The following SMIM35 variants were observed in gnomAD, a reference collection of about 807,000 sequenced individuals.
SMIM35 encodes the protein small integral membrane protein 35.
At chr11:118,081,422 G>A (rs183842662) in intron 1 of SMIM35, among the ~76,000 whole-genome samples, 5 of 152,280 alleles carry the variant, frequency 3.3e-5, no homozygotes, top group South Asian at 4.1e-4. Context: ...CCAGCACGTC[G>A]GCAGCTGAGA....
intron 1 of SMIM35, among the ~76,000 whole-genome samples, chr11:118,050,771 GA>G (rs544999494): frequency 1.6e-3 from 247 of 152,268 alleles, no homozygotes; most frequent in Non-Finnish European, 3.2e-3. Flanking sequence ...AGATCTGCCC[GA>G]AGCATTGAAA....
chr11:118,069,036 A>G (rs549965697), intron 1 of SMIM35, among the ~76,000 whole-genome samples: 15 of 152,274 alleles, frequency 9.9e-5, no homozygotes, highest in African/African-American at 3.6e-4. Context: ...TCATCACCCT[A>G]ATGGAAAACT....
At chr11:118,031,295 C>T (rs1206535231) in intron 1 of SMIM35, among the ~76,000 whole-genome samples, 1 of 152,188 alleles carries the variant, frequency 6.6e-6, no homozygotes, top group Non-Finnish European at 1.5e-5. Flanking sequence ...TATCAACAGA[C>T]ACATCTACCA....
At chr11:118,042,696 G>T (rs939277725) in intron 1 of SMIM35, among the ~76,000 whole-genome samples, 1 of 152,138 alleles carries the variant, frequency 6.6e-6, no homozygotes, top group African/African-American at 2.4e-5. Context: ...GAATATGGAC[G>T]CAAAAATCCT....
At chr11:118,051,773 G>A (rs1591299616) in intron 1 of SMIM35, among the ~76,000 whole-genome samples, 1 of 152,276 alleles carries the variant, frequency 6.6e-6, no homozygotes, top group East Asian at 1.9e-4. Context: ...CACCTCTACA[G>A]TGACACATTT....
intron 1 of SMIM35, among the ~76,000 whole-genome samples, chr11:118,037,762 G>A (rs936064181): frequency 2.0e-5 from 3 of 152,112 alleles, no homozygotes; most frequent in African/African-American, 4.8e-5. Context: ...TTGTAATACC[G>A]CCAATGCCAG....
intron 1 of SMIM35, among the ~76,000 whole-genome samples, chr11:118,064,169 AC>A (rs1464544694): frequency 6.6e-6 from 1 of 151,994 alleles, no homozygotes; most frequent in East Asian, 1.9e-4. Flanking sequence ...TGTGGGGAGA[AC>A]CCCCAGGCAT....
chr11:118,052,473 C>T (rs925342545), intron 1 of SMIM35, among the ~76,000 whole-genome samples: 2 of 152,166 alleles, frequency 1.3e-5, no homozygotes, highest in Non-Finnish European at 2.9e-5. Context: ...CTCACTTGTA[C>T]GGACCCTTCC....
At chr11:118,066,161 A>C (rs991925571) in intron 1 of SMIM35, among the ~76,000 whole-genome samples, 5 of 150,606 alleles carry the variant, frequency 3.3e-5, no homozygotes, top group African/African-American at 4.9e-5. Context: ...CCCCAAACCC[A>C]CCTCTGTTTG....
At chr11:118,054,173 T>TG (rs1311901042) in intron 1 of SMIM35, among the ~76,000 whole-genome samples, 2 of 151,648 alleles carry the variant, frequency 1.3e-5, no homozygotes, top group Admixed American at 6.6e-5. Flanking sequence ...TGTTTTGTTT[T>TG]TTTGTTTGTT....
chr11:118,065,013 G>T (rs1318151904), intron 1 of SMIM35, among the ~76,000 whole-genome samples: 1 of 152,188 alleles, frequency 6.6e-6, no homozygotes, highest in Non-Finnish European at 1.5e-5. Context: ...AGCACACCCT[G>T]CCCTGGAGTG....
chr11:118,048,621 GGAGA>G (rs373866285), intron 1 of SMIM35, among the ~76,000 whole-genome samples: 5 of 150,052 alleles, frequency 3.3e-5, no homozygotes, highest in Middle Eastern at 3.2e-3. Flanking sequence ...AAGCAAGGAA[GGAGA>G]GAGAGAGAGA....
chr11:118,009,062 C>T (rs2058137633), intron 4 of SMIM35, among the ~76,000 whole-genome samples: 1 of 152,098 alleles, frequency 6.6e-6, no homozygotes, highest in African/African-American at 2.4e-5. Context: ...TTTGAGCTGG[C>T]ATGAAGAATG....
intron 4 of SMIM35, among the ~76,000 whole-genome samples, chr11:118,006,826 A>G (rs570427291): frequency 6.0e-4 from 91 of 152,042 alleles, no homozygotes; most frequent in African/African-American, 2.1e-3. Context: ...TGCAATTTTC[A>G]CCCTACAACT....
chr11:118,014,039 A>G (rs2058163710), intron 3 of SMIM35, among the ~76,000 whole-genome samples, 159 bp from the exon 4 acceptor site: 1 of 152,230 alleles, frequency 6.6e-6, no homozygotes, highest in Non-Finnish European at 1.5e-5. Context: ...AAGGAGGTAC[A>G]GCCCTGCCTG....
At chr11:118,019,145 T>C (rs2058206365) in intron 1 of SMIM35, among the ~76,000 whole-genome samples, 1 of 152,210 alleles carries the variant, frequency 6.6e-6, no homozygotes, top group Admixed American at 6.5e-5. Flanking sequence ...ATATATAGCA[T>C]TGTTTTACAT....
intron 1 of SMIM35, among the ~76,000 whole-genome samples, chr11:118,037,595 C>T (rs1943925761): frequency 6.6e-6 from 1 of 152,154 alleles, no homozygotes; most frequent in Non-Finnish European, 1.5e-5. Context: ...ACAAGTTCCC[C>T]CTCTTTCGGC....
At chr11:118,017,209 C>T (rs991326123) in intron 1 of SMIM35, among the ~76,000 whole-genome samples, 1 of 152,166 alleles carries the variant, frequency 6.6e-6, no homozygotes, top group South Asian at 2.1e-4. Context: ...TACAAAGATG[C>T]CGATGGGTCC....
chr11:118,011,338 G>A (rs995610941), intron 4 of SMIM35, among the ~76,000 whole-genome samples: 4 of 152,206 alleles, frequency 2.6e-5, no homozygotes, highest in African/African-American at 9.7e-5. Context: ...GGGGCCTAGG[G>A]TGGCCGGGCA....
Sources: allele counts gnomAD v4.1 joint callset (sites outside exome capture counted in the v4.1 genomes callset), GRCh38; gene constraint gnomAD v4.1.1; transcripts MANE v1.5; gene names NCBI Gene and HGNC (gene_info 2026-07-23, HGNC 2026-07-21).